DOCK8: variants seen among roughly 807,000 people sequenced by gnomAD.
DOCK8 encodes the protein dedicator of cytokinesis 8, also known as dedicator of cytokinesis protein 8.
A neutral mutation model predicts 245.6 loss-of-function variants in DOCK8; 141 were observed. The ratio of observed to expected loss-of-function variants is 0.57; its 90% CI spans 0.50 to 0.66. The LOEUF (loss-of-function observed/expected upper bound fraction) is 0.66. Ranked by LOEUF, DOCK8 falls within the 30% of genes least tolerant of loss-of-function variation. The pLI is 0.00. For synonymous variants in DOCK8, 1,168 were observed against 970.2 expected (o/e 1.20, Z -3.79); for missense variants, 2,965 against 2,603.4 (o/e 1.14, Z -3.02).
intron 39 of DOCK8, among the ~76,000 whole-genome samples, chr9:437,950 C>T (rs1050150015): frequency 1.3e-5 from 2 of 152,234 alleles, no homozygotes; most frequent in Non-Finnish European, 2.9e-5. Flanking sequence ...TGGAAAATTG[C>T]ATACATTCTA....
At chr9:346,921 G>T (rs2051917183) in intron 14 of DOCK8, among the ~76,000 whole-genome samples, 1 of 152,082 alleles carries the variant, frequency 6.6e-6, no homozygotes. Flanking sequence ...GGCAGGACAT[G>T]GGGAGTATCC....
intron 37 of DOCK8, 79 bp from the exon 38 acceptor site, chr9:433,796 C>T: frequency 8.3e-7 from 1 of 1,203,072 alleles, no homozygotes; most frequent in East Asian, 2.4e-5. Flanking sequence ...CATGGCTTCC[C>T]CTTGCATTTC....
intron 33 of DOCK8, among the ~76,000 whole-genome samples, chr9:425,945 C>A (rs2056483603): frequency 6.6e-6 from 1 of 152,008 alleles, no homozygotes; most frequent in African/African-American, 2.4e-5. Context: ...GCAGTGCCCC[C>A]ATTATTAGGT....
intron 1 of DOCK8, among the ~76,000 whole-genome samples, chr9:236,700 A>G (rs552616410): frequency 6.6e-6 from 1 of 152,298 alleles, no homozygotes; most frequent in South Asian, 2.1e-4. Flanking sequence ...ATCTCAGTGA[A>G]CGAAACCAAC....
At chr9:231,736 A>G (rs1426280617) in intron 1 of DOCK8, among the ~76,000 whole-genome samples, 3 of 152,072 alleles carry the variant, frequency 2.0e-5, no homozygotes, top group Admixed American at 6.6e-5. Context: ...TATTATTTTT[A>G]TACATTGATT....
chr9:259,681 A>T (rs1041869295), intron 1 of DOCK8, among the ~76,000 whole-genome samples: 1 of 152,240 alleles, frequency 6.6e-6, no homozygotes, highest in Non-Finnish European at 1.5e-5. Context: ...TTTCACACAC[A>T]AAAAATGAGT....
At chr9:240,187 G>C (rs773469101) in intron 1 of DOCK8, among the ~76,000 whole-genome samples, 1 of 152,074 alleles carries the variant, frequency 6.6e-6, no homozygotes, top group Non-Finnish European at 1.5e-5. Context: ...TCAAGTCTTG[G>C]GGAAAGTTAT....
Position 433,876 on chromosome 9 carries a change from T to G in DOCK8, c.4787T>G (p.Val1596Gly). The G allele has an allele frequency of 6.2e-7, 1 of 1,613,192 alleles. No homozygotes were observed. The highest frequency in any genetic ancestry group is 8.5e-7 in the Non-Finnish European group (1 of 1,179,140). The change falls in exon 38 of 48, where the codon GTG becomes GGG. Residue 1596 changes from valine to glycine, a missense_variant and splice_region_variant. This residue lies in a region of DOCK8 where 2,825 missense variants were observed against 2,453.5 expected (regional missense o/e 1.15). Coordinates refer to ENST00000432829, the MANE Select transcript of DOCK8 (RefSeq NM_203447.4). ...AMQMTPFPTQ[V>G]EELLCNLNSI... ...TTTTGAGGCTTACACTTTTTGCAGG[T>G]GGAGGAACTTCTCTGTAATCTGAAT... is the stretch of plus-strand genomic sequence containing the variant.
intron 35 of DOCK8, among the ~76,000 whole-genome samples, chr9:428,846 C>T (rs149021699): frequency 2.0e-4 from 30 of 152,298 alleles, no homozygotes; most frequent in South Asian, 2.1e-4. Context: ...CTCTATGTGA[C>T]GCCCATTAGT....
intron 11 of DOCK8, among the ~76,000 whole-genome samples, chr9:334,996 T>A (rs891208027): frequency 7.2e-5 from 11 of 151,940 alleles, no homozygotes; most frequent in Non-Finnish European, 1.5e-5. Context: ...GGCAGGAGAA[T>A]CGCTTGAACC....
At chr9:236,456 C>G (rs1485876246) in intron 1 of DOCK8, among the ~76,000 whole-genome samples, 5 of 152,160 alleles carry the variant, frequency 3.3e-5, no homozygotes, top group African/African-American at 9.7e-5. Context: ...AATGAAGGGG[C>G]TAGTGCATAT....
At chr9:292,560 C>A (rs1563884605) in intron 4 of DOCK8, among the ~76,000 whole-genome samples, 2 of 150,844 alleles carry the variant, frequency 1.3e-5, no homozygotes, top group South Asian at 2.1e-4. Context: ...TATTTCTTGG[C>A]CATTTTTTAT....
At chr9:365,846 T>C in intron 14 of DOCK8, 1 of 354,804 alleles carries the variant, frequency 2.8e-6, no homozygotes, top group Non-Finnish European at 5.5e-6. Context: ...GAGGGGTCTG[T>C]ACCCCACACA....
chr9:277,477 A>AAGAGC (rs2048401701), intron 2 of DOCK8, among the ~76,000 whole-genome samples: 2 of 131,844 alleles, frequency 1.5e-5, no homozygotes, highest in South Asian at 4.5e-4. Context: ...AAGAGAAGAG[A>AAGAGC]AGAGAAGAGA....
At chr9:231,217 T>C (rs1010513690) in intron 1 of DOCK8, among the ~76,000 whole-genome samples, 3 of 152,140 alleles carry the variant, frequency 2.0e-5, no homozygotes, top group Admixed American at 6.5e-5. Context: ...GTTGTAGATA[T>C]GTGGCATTAT....
At chr9:352,092 AC>A in intron 14 of DOCK8, among the ~76,000 whole-genome samples, 1 of 151,948 alleles carries the variant, frequency 6.6e-6, no homozygotes, top group South Asian at 2.1e-4. Flanking sequence ...CTAAACATCA[AC>A]CCCACAGCAA....
At chr9:280,427 T>C (rs971385287) in intron 2 of DOCK8, among the ~76,000 whole-genome samples, 6 of 152,152 alleles carry the variant, frequency 3.9e-5, no homozygotes, top group African/African-American at 1.4e-4. Context: ...AGGAAATCCA[T>C]ATGGATGTGT....
In DOCK8 at chr9:334,504, G is replaced by C. The variant is rs2051214998; in HGVS notation, c.1285+120G>C. 6 of 1,095,984 alleles carry C rather than the reference G, an allele frequency of 5.5e-6. No homozygotes were observed. In the South Asian group the frequency reaches 9.2e-5, roughly 17 times the overall value. The allele number at this position is 1,095,984 out of a possible 1,614,324, so 67.9% of individuals were successfully genotyped here. On this transcript the variant is annotated intron_variant, in intron 11 of 47. Coordinates refer to ENST00000432829, the MANE Select transcript of DOCK8 (RefSeq NM_203447.4). ...TGTGGGAAGTGGGGAGGCAGAAGGAGATAAATAGAATGAAACACTGTTATG... is the reference window on the plus strand; with the variant it reads ...TGTGGGAAGTGGGGAGGCAGAAGGACATAAATAGAATGAAACACTGTTATG...
chr9:214,273 T>C (rs1195337425), upstream of DOCK8: 1 of 510,008 alleles, frequency 2.0e-6, no homozygotes, highest in Admixed American at 3.9e-5. Flanking sequence ...AACGCCGCCT[T>C]CAGTGTTTCT....
Sources: allele counts gnomAD v4.1 joint callset (sites outside exome capture counted in the v4.1 genomes callset), GRCh38; gene constraint gnomAD v4.1.1; regional missense constraint gnomAD v4.1.1; transcripts MANE v1.5; gene names NCBI Gene and HGNC (gene_info 2026-07-23, HGNC 2026-07-21).